Variants in ARHGAP15 observed in about 807,000 individuals in gnomAD.
ARHGAP15 encodes the protein Rho GTPase activating protein 15.
ARHGAP15 carries 51 observed loss-of-function variants against 63.7 expected under a neutral mutation model. That is an observed-to-expected ratio of 0.80 (90% CI 0.64 to 1.01). The LOEUF is 1.01. ARHGAP15 is among the 50% of genes least tolerant of loss of function. The pLI, the probability that ARHGAP15 is intolerant of heterozygous loss-of-function variation, is 0.00. For missense variants in ARHGAP15, 560 were observed against 564.6 expected (o/e 0.99, Z 0.08); for synonymous variants, 191 against 193.8 (o/e 0.99, Z 0.12).
At chr2:143,379,459 A>C (rs1686960695) in intron 6 of ARHGAP15, among the ~76,000 whole-genome samples, 1 of 149,214 alleles carries the variant, frequency 6.7e-6, no homozygotes, top group African/African-American at 2.5e-5. Context: ...CACACTGACC[A>C]TTAACAAGGT....
chr2:143,227,168 G>A (rs1347617510), intron 4 of ARHGAP15, among the ~76,000 whole-genome samples: 2 of 152,106 alleles, frequency 1.3e-5, no homozygotes, highest in African/African-American at 4.8e-5. Flanking sequence ...CTACAAAAGA[G>A]TGCCTTCATG....
intron 12 of ARHGAP15, among the ~76,000 whole-genome samples, chr2:143,642,153 A>G (rs888383115): frequency 1.2e-4 from 18 of 152,152 alleles, no homozygotes; most frequent in African/African-American, 4.1e-4. Context: ...GAAAAGAATG[A>G]AAGGATTTAC....
intron 11 of ARHGAP15, among the ~76,000 whole-genome samples, chr2:143,560,881 G>A (rs900662289): frequency 3.9e-5 from 6 of 152,298 alleles, no homozygotes; most frequent in African/African-American, 1.2e-4. Context: ...TGTGAGCAGC[G>A]CTCTGCCCTG....
chr2:143,390,753 A>ACACACG, intron 6 of ARHGAP15, among the ~76,000 whole-genome samples: 1 of 151,736 alleles, frequency 6.6e-6, no homozygotes, highest in Non-Finnish European at 1.5e-5. Flanking sequence ...ACACACACAC[A>ACACACG]CACACACACA....
chr2:143,497,865 T>C (rs553928660), intron 9 of ARHGAP15, among the ~76,000 whole-genome samples: 7 of 152,304 alleles, frequency 4.6e-5, no homozygotes, highest in African/African-American at 7.2e-5. Context: ...TCCTCACTTA[T>C]GATATGAATG....
chr2:143,229,736 G>A (rs775193999), intron 5 of ARHGAP15, among the ~76,000 whole-genome samples: 2 of 152,160 alleles, frequency 1.3e-5, no homozygotes, highest in Non-Finnish European at 2.9e-5. Context: ...GCCACTAGTT[G>A]TGTTTGCTAT....
chr2:143,245,001 G>A (rs1486721879), intron 5 of ARHGAP15, among the ~76,000 whole-genome samples: 1 of 152,186 alleles, frequency 6.6e-6, no homozygotes, highest in Non-Finnish European at 1.5e-5. Context: ...ATAGAGAAAA[G>A]GAGGCAGGTA....
At chr2:143,604,014 T>G (rs566365469) in intron 11 of ARHGAP15, among the ~76,000 whole-genome samples, 1 of 152,278 alleles carries the variant, frequency 6.6e-6, no homozygotes, top group East Asian at 1.9e-4. Context: ...AAAGCTTGAT[T>G]TTGGCTGAAT....
At position 143,316,606 on chromosome 2, in the gene ARHGAP15, T is replaced by C. The variant is rs146761274; in HGVS notation, c.474+66006T>C. On this transcript the variant is annotated intron_variant, in intron 6 of 13. Transcript: ENST00000295095. ...TATATATGTTATATATATTTTAATA[T>C]ATATAACATTATAGACTTTGGAGGC... 4.3e-3 allele frequency among the ~76,000 whole-genome samples: 589 copies of C among 137,960 alleles called. 13 individuals are homozygous for C. The highest frequency in any genetic ancestry group is 0.035 in the East Asian group (182 of 5,132). The allele number at this position is 137,960 out of a possible 152,430, so 90.5% of individuals were successfully genotyped here.
chr2:143,356,249 C>T (rs1283477782), intron 6 of ARHGAP15, among the ~76,000 whole-genome samples: 1 of 152,134 alleles, frequency 6.6e-6, no homozygotes, highest in African/African-American at 2.4e-5. Flanking sequence ...TTAATGGTTG[C>T]TTGGAGAGAA....
At chr2:143,744,304 G>A (rs1469548721) in intron 13 of ARHGAP15, among the ~76,000 whole-genome samples, 3 of 152,152 alleles carry the variant, frequency 2.0e-5, no homozygotes, top group Admixed American at 6.5e-5. Flanking sequence ...TAAACACTTG[G>A]CTAAGGATGT....
intron 1 of ARHGAP15, among the ~76,000 whole-genome samples, chr2:143,134,417 G>A (rs1234520951): frequency 6.6e-6 from 1 of 152,122 alleles, no homozygotes; most frequent in Admixed American, 6.5e-5. Flanking sequence ...TCTCAACACA[G>A]TTTTATTGAT....
chr2:143,300,793 G>A (rs1344912066), intron 6 of ARHGAP15, among the ~76,000 whole-genome samples: 1 of 152,014 alleles, frequency 6.6e-6, no homozygotes, highest in African/African-American at 2.4e-5. Flanking sequence ...GCTGGGAAAT[G>A]GAGTCCAATT....
intron 6 of ARHGAP15, among the ~76,000 whole-genome samples, chr2:143,319,423 T>TCTCTAGCTG (rs1270418490): frequency 1.3e-5 from 2 of 152,066 alleles, no homozygotes; most frequent in African/African-American, 4.8e-5. Context: ...GGTTTCACCA[T>TCTCTAGCTG]GTTAGCCAGG....
At chr2:143,605,622 A>G (rs962305987) in intron 11 of ARHGAP15, among the ~76,000 whole-genome samples, 1 of 152,064 alleles carries the variant, frequency 6.6e-6, no homozygotes, top group African/African-American at 2.4e-5. Context: ...ATGCTGCCTC[A>G]GGAATCAGAT....
intron 11 of ARHGAP15, among the ~76,000 whole-genome samples, chr2:143,571,156 A>C (rs150854209): frequency 2.4e-4 from 36 of 152,256 alleles, no homozygotes; most frequent in Admixed American, 7.2e-4. Flanking sequence ...TAACCCCCAA[A>C]TGGGACTGTT....
intron 5 of ARHGAP15, among the ~76,000 whole-genome samples, chr2:143,229,846 G>A (rs571859043): frequency 6.6e-6 from 1 of 152,170 alleles, no homozygotes; most frequent in Admixed American, 6.5e-5. Context: ...ACTTGCTTCT[G>A]ATAACCGCAG....
Position 143,580,844 on chromosome 2 carries a change from T to G in ARHGAP15, c.1003+24359T>G, listed in dbSNP as rs147177701. ...TAGATCCTCATGGATAGGATCATAT[T>G]TGACTTTTATATTTTTACCCTCAAG... is the stretch of plus-strand genomic sequence containing the variant. On this transcript the variant is annotated intron_variant, in intron 11 of 13. Transcript: ENST00000295095. Among the ~76,000 whole-genome samples the G allele has an allele frequency of 2.3e-3, 346 of 152,224 alleles. 1 individual carries two copies. Among genetic ancestry groups the G allele is most frequent in the African/African-American group, 8.0e-3 (332 of 41,532 alleles).
chr2:143,382,013 C>A (rs981589955), intron 6 of ARHGAP15, among the ~76,000 whole-genome samples: 3 of 151,972 alleles, frequency 2.0e-5, no homozygotes, highest in African/African-American at 7.3e-5. Flanking sequence ...TCTCTTGATG[C>A]TTTTGCTTTT....
Sources: gnomAD v4.1 joint callset for allele counts (sites outside exome capture counted in the v4.1 genomes callset) on GRCh38, gnomAD v4.1.1 for gene constraint, MANE v1.5 for transcripts, NCBI Gene and HGNC (gene_info 2026-07-23, HGNC 2026-07-21) for gene names.